Variants in NRDC observed in about 807,000 individuals in gnomAD.
The protein encoded by NRDC is nardilysin convertase.
NRDC carries 54 observed loss-of-function variants against 147.1 expected under a neutral mutation model. That is an observed-to-expected ratio of 0.37 (90% CI 0.29 to 0.46). NRDC has a LOEUF of 0.46. Among genes scored for constraint, NRDC ranks in the 20% least tolerant of loss-of-function variants. The pLI is 1.00. For synonymous variants in NRDC, 440 were observed against 482.1 expected (o/e 0.91, Z 1.14); for missense variants, 1,082 against 1,370.6 (o/e 0.79, Z 3.33).
intron 7 of NRDC, 47 bp downstream of exon 7, chr1:51,823,617 G>T (rs1490713867): frequency 1.3e-6 from 2 of 1,515,526 alleles, no homozygotes; most frequent in East Asian, 4.6e-5. Context: ...CAAATCCTAA[G>T]AAAGCGCTAC....
intron 4 of NRDC, among the ~76,000 whole-genome samples, chr1:51,831,933 A>AAAATAAAT (rs1411627055): frequency 6.6e-6 from 1 of 152,216 alleles, no homozygotes; most frequent in African/African-American, 2.4e-5. Flanking sequence ...CTCCAAAAAA[A>AAAATAAAT]AAATAAATAA....
rs576907114 is a variant in NRDC, at chr1:51,796,966, C to T, written c.2604+1283G>A. On this transcript the variant is annotated intron_variant, in intron 22 of 30. Coordinates refer to ENST00000352171, the MANE Select transcript of NRDC (RefSeq NM_001101662.2). ...CTGTAATCCCAGCACTTTGGGAGGC[C>T]GAGGTGGGCAGATCACGAGGTCAGG... Among the ~76,000 whole-genome samples the T allele has an allele frequency of 6.0e-5, 9 of 150,864 alleles. No individual in the cohort carries two copies. In the South Asian group the frequency reaches 1.9e-3, roughly 32 times the overall value.
At position 51,877,966 on chromosome 1, in the gene NRDC, T is replaced by C. The variant is rs1683416408; in HGVS notation, c.341+309A>G. ...CCGTCAACCTTTCCTGGTAACATAA[T>C]ACCAAGACTCCCTCACCATTCAGGC... is the stretch of plus-strand genomic sequence containing the variant. On this transcript the variant is annotated intron_variant, in intron 1 of 30. Coordinates refer to ENST00000352171, the MANE Select transcript of NRDC (RefSeq NM_001101662.2). 6.7e-6 allele frequency: 8 copies of C among 1,189,224 alleles called. No homozygotes were observed. The South Asian group carries it at 1.6e-4, about 23-fold the overall frequency. 73.7% of individuals were successfully genotyped at this position (1,189,224 alleles called of 1,614,324 possible).
intron 1 of NRDC, among the ~76,000 whole-genome samples, chr1:51,853,203 G>A (rs547722628): frequency 1.3e-5 from 2 of 151,224 alleles, no homozygotes; most frequent in African/African-American, 4.9e-5. Context: ...GGGTGACAGA[G>A]GGAGACTGTC....
Position 51,814,726 on chromosome 1 carries a change from T to C in NRDC, c.1527A>G (p.Thr509=). The C allele has an allele frequency of 6.2e-7, 1 of 1,611,242 alleles. No individual in the cohort carries two copies. Among genetic ancestry groups the C allele is most frequent in the Non-Finnish European group, 8.5e-7 (1 of 1,179,138 alleles). ...AATGTTCATAACCCTCATCAGTCAA[T>C]GTAATAGAAATGCTGAACACTGAAT... is the stretch of plus-strand genomic sequence containing the variant. ...STYSVFSISI[T]LTDEGYEHFY... is the part of the protein sequence containing the mutation. Residue 509 remains threonine, a synonymous_variant, in exon 12 of 31, where the codon ACA becomes ACG. Coordinates refer to ENST00000352171, the MANE Select transcript of NRDC (RefSeq NM_001101662.2).
At chr1:51,845,415 G>A (rs1681505414) in intron 1 of NRDC, among the ~76,000 whole-genome samples, 1 of 152,112 alleles carries the variant, frequency 6.6e-6, no homozygotes, top group Non-Finnish European at 1.5e-5. Flanking sequence ...CAACAATGGC[G>A]AAAACCCGAC....
intron 1 of NRDC, among the ~76,000 whole-genome samples, chr1:51,867,134 T>C (rs1682849723): frequency 6.6e-6 from 1 of 152,056 alleles, no homozygotes; most frequent in African/African-American, 2.4e-5. Flanking sequence ...TGAGCCACTG[T>C]GCCCAGCCTA....
chr1:51,799,345 C>T (rs947006037), intron 21 of NRDC, among the ~76,000 whole-genome samples: 1 of 151,640 alleles, frequency 6.6e-6, no homozygotes, highest in Non-Finnish European at 1.5e-5. Context: ...ATCCCTCCCC[C>T]AGCACCCCCA....
intron 2 of NRDC, among the ~76,000 whole-genome samples, chr1:51,837,963 AG>A (rs564255935): frequency 2.4e-4 from 37 of 152,350 alleles, no homozygotes; most frequent in African/African-American, 6.3e-4. Flanking sequence ...AATAAAACTT[AG>A]ATCATAAAAC....
chr1:51,791,426 C>T (rs1378282919), intron 27 of NRDC, 152 bp downstream of exon 27: 3 of 664,596 alleles, frequency 4.5e-6, no homozygotes, highest in Middle Eastern at 2.5e-4. Flanking sequence ...CTGGAACAGA[C>T]CATCTATAAC....
At chr1:51,827,737 A>C in intron 5 of NRDC, 59 bp downstream of exon 5, 7 of 1,286,962 alleles carry the variant, frequency 5.4e-6, no homozygotes, top group East Asian at 4.6e-5. Context: ...GATAAATGTA[A>C]TAAGTAACTG....
intron 1 of NRDC, among the ~76,000 whole-genome samples, chr1:51,862,733 AG>A: frequency 6.6e-6 from 1 of 151,026 alleles, no homozygotes; most frequent in East Asian, 2.0e-4. Context: ...CTTAAAAAAA[AG>A]GCCAGGAGCA....
intron 7 of NRDC, among the ~76,000 whole-genome samples, chr1:51,823,223 CCAT>C (rs1680285373): frequency 6.6e-6 from 1 of 152,140 alleles, no homozygotes; most frequent in Non-Finnish European, 1.5e-5. Flanking sequence ...TAAATTGTCA[CCAT>C]GTCAATCTCA....
intron 18 of NRDC, among the ~76,000 whole-genome samples, chr1:51,806,024 A>T (rs1258095909): frequency 6.6e-6 from 1 of 152,164 alleles, no homozygotes; most frequent in Non-Finnish European, 1.5e-5. Flanking sequence ...GCTACAATAT[A>T]GTTGTGTTTT....
At chr1:51,844,382 T>A (rs191917401) in intron 1 of NRDC, among the ~76,000 whole-genome samples, 1 of 151,686 alleles carries the variant, frequency 6.6e-6, no homozygotes, top group South Asian at 2.1e-4. Context: ...CCTTATAAAA[T>A]GAAGAAATTT....
intron 1 of NRDC, among the ~76,000 whole-genome samples, chr1:51,863,535 G>A (rs1682656881): frequency 6.6e-6 from 1 of 152,154 alleles, no homozygotes; most frequent in African/African-American, 2.4e-5. Context: ...GTAATGGCAA[G>A]CTACGTCATA....
At chr1:51,812,533 A>C (rs908130222) in intron 14 of NRDC, among the ~76,000 whole-genome samples, 1 of 152,150 alleles carries the variant, frequency 6.6e-6, no homozygotes, top group Non-Finnish European at 1.5e-5. Flanking sequence ...ATCTCCAAAA[A>C]AAAAAAATTC....
At chr1:51,845,960 A>T (rs188603420) in intron 1 of NRDC, among the ~76,000 whole-genome samples, 115 of 145,648 alleles carry the variant, frequency 7.9e-4, no homozygotes, top group African/African-American at 2.8e-3. Context: ...CACCTAATTT[A>T]AAAAAAAAAG....
At chr1:51,838,867 T>C (rs1557921643) in intron 2 of NRDC, among the ~76,000 whole-genome samples, 1 of 152,120 alleles carries the variant, frequency 6.6e-6, no homozygotes, top group East Asian at 1.9e-4. Context: ...AAGTGACATA[T>C]ATATACCTTT....
Sources: allele counts gnomAD v4.1 joint callset (sites outside exome capture counted in the v4.1 genomes callset), GRCh38; gene constraint gnomAD v4.1.1; transcripts MANE v1.5; gene names NCBI Gene and HGNC (gene_info 2026-07-23, HGNC 2026-07-21).